The following GFM1 variants were observed in gnomAD, a reference collection of about 807,000 sequenced individuals.
GFM1 encodes G elongation factor mitochondrial 1, also known as elongation factor G, mitochondrial.
GFM1 carries 62 observed loss-of-function variants against 96.2 expected under a neutral mutation model. The ratio of observed to expected loss-of-function variants is 0.64; its 90% confidence interval spans 0.53 to 0.80. GFM1 has a LOEUF of 0.80. Ranked by LOEUF, GFM1 falls within the 30% of genes least tolerant of loss-of-function variation. The pLI is 0.00. For synonymous variants in GFM1, 282 were observed against 312.9 expected (o/e 0.90, Z 1.04); for missense variants, 852 against 916.6 (o/e 0.93, Z 0.91).
chr3:158,668,233 C>T (rs1723906384), intron 13 of GFM1, among the ~76,000 whole-genome samples: 1 of 152,192 alleles, frequency 6.6e-6, no homozygotes, highest in Admixed American at 6.5e-5. Context: ...ATAACCTATG[C>T]ATACCTTCTC....
intron 16 of GFM1, 40 bp from the exon 17 acceptor site, chr3:158,691,099 C>A (rs985675713): frequency 2.2e-6 from 3 of 1,361,180 alleles, no homozygotes; most frequent in Middle Eastern, 3.8e-4. Flanking sequence ...AAATATTTTC[C>A]AATAAGCAGT....
Position 158,653,569 on chromosome 3 carries a change from T to G in GFM1, c.998+102T>G, listed in dbSNP as rs1053209871. ...GTTCTTTTAATTATGTCTGTGATTTTTTTTCATAATTTACAATCATGGTTT... is the reference window on the plus strand; with the variant it reads ...GTTCTTTTAATTATGTCTGTGATTTGTTTTCATAATTTACAATCATGGTTT... On this transcript the variant is annotated intron_variant, in intron 7 of 17. Coordinates refer to ENST00000486715, the MANE Select transcript of GFM1 (RefSeq NM_024996.7). The G allele has an allele frequency of 3.4e-6, 3 of 880,388 alleles. No homozygotes were observed. The African/African-American group carries it at 5.1e-5, about 15-fold the overall frequency. The allele number at this position is 880,388 out of a possible 1,614,324, so 54.5% of individuals were successfully genotyped here. A position where few individuals can be genotyped will look rare whatever the true frequency, so the allele number is the denominator to read the frequency against.
In GFM1 at chr3:158,691,346, A is replaced by AAT; in HGVS notation, c.2137_2138dup (p.Met715GlnfsTer50). The AAT allele has an allele frequency of 6.2e-7, 1 of 1,613,948 alleles. No individual in the cohort carries two copies. Among genetic ancestry groups the AAT allele is most frequent in the South Asian group, 1.1e-5 (1 of 91,076 alleles). On this transcript the variant is annotated frameshift_variant, in exon 18 of 18. Coordinates refer to ENST00000486715, the MANE Select transcript of GFM1 (RefSeq NM_024996.7). LOFTEE classifies it high-confidence loss of function. ...TTTTTAAATCCCTAGGGAAAGGGAG[A>AAT]ATACACAATGGAGTATAGCAGGTAT...
chr3:158,650,117 T>G, intron 5 of GFM1: 1 of 1,396,136 alleles, frequency 7.2e-7, no homozygotes, highest in Admixed American at 2.0e-5. Flanking sequence ...ATCAGCCATC[T>G]TGTAAGCAGG....
chr3:158,666,202 A>G (rs545508070), intron 12 of GFM1, 102 bp from the exon 13 acceptor site: 6 of 783,674 alleles, frequency 7.7e-6, no homozygotes, highest in South Asian at 3.1e-5. Flanking sequence ...TTGTTTATCT[A>G]TTATATTTAA....
chr3:158,681,853 T>A, intron 13 of GFM1, 142 bp from the exon 14 acceptor site: 1 of 785,790 alleles, frequency 1.3e-6, no homozygotes, highest in Admixed American at 2.6e-5. Flanking sequence ...TAAAATAAAT[T>A]CTACAATAAA....
At chr3:158,679,053 C>T (rs1203811704) in intron 13 of GFM1, among the ~76,000 whole-genome samples, 2 of 152,214 alleles carry the variant, frequency 1.3e-5, no homozygotes, top group African/African-American at 4.8e-5. Context: ...CTGCAGCAGC[C>T]ATCACCTTGA....
chr3:158,646,388 C>A, intron 3 of GFM1, 91 bp downstream of exon 3: 1 of 1,315,122 alleles, frequency 7.6e-7, no homozygotes, highest in South Asian at 1.2e-5. Flanking sequence ...TTTTGATTGT[C>A]AAATACTCAA....
intron 13 of GFM1, among the ~76,000 whole-genome samples, chr3:158,678,053 C>T (rs1388451174): frequency 6.6e-6 from 1 of 152,172 alleles, no homozygotes; most frequent in Non-Finnish European, 1.5e-5. Context: ...AATGGAATAA[C>T]AAAGCCTGGA....
intron 13 of GFM1, among the ~76,000 whole-genome samples, chr3:158,672,155 G>C (rs1724384077): frequency 6.6e-6 from 1 of 152,160 alleles, no homozygotes; most frequent in Non-Finnish European, 1.5e-5. Flanking sequence ...GTCCCGGGCT[G>C]TCTCCAGAGA....
intron 13 of GFM1, among the ~76,000 whole-genome samples, chr3:158,681,519 C>A (rs192887689): frequency 1.7e-3 from 266 of 152,236 alleles, no homozygotes; most frequent in Admixed American, 3.8e-3. Context: ...ACTTGGAAAT[C>A]CCTTTTCTTG....
rs1726433355 is a variant in GFM1 at position 158,693,328 on chromosome 3, T to C, written c.*1861T>C. 6.6e-6 allele frequency: 1 copy of C among 152,238 alleles called. No homozygotes were observed. Among genetic ancestry groups the C allele is most frequent in the South Asian group, 2.1e-4 (1 of 4,834 alleles). 9.4% of individuals were successfully genotyped at this position (152,238 alleles called of 1,614,324 possible). A position where few individuals can be genotyped will look rare whatever the true frequency, so the allele number is the denominator to read the frequency against. On this transcript the variant is annotated 3_prime_UTR_variant, in exon 18 of 18. Coordinates refer to ENST00000486715, the MANE Select transcript of GFM1 (RefSeq NM_024996.7). ...TTCATGGAATTTAGCATGATTCCTA[T>C]GGCTATTGAGAATAGTCACAACTAC...
At position 158,644,532 on chromosome 3, in the gene GFM1, T is replaced by A; in HGVS notation, c.-103T>A. 1.1e-6 allele frequency: 1 copy of A among 906,908 alleles called. No individual in the cohort carries two copies. Among genetic ancestry groups the A allele is most frequent in the Non-Finnish European group, 1.8e-6 (1 of 568,360 alleles). The allele number at this position is 906,908 out of a possible 1,614,324, so 56.2% of individuals were successfully genotyped here. ...GCGTCCTTTGCCCCGGAAGTGCTCT[T>A]ACAACATTGGCTGCCGGCGTGACTT... On this transcript the variant is annotated 5_prime_UTR_variant, in exon 1 of 18. Transcript: ENST00000486715.
chr3:158,680,420 C>A (rs1294918373), intron 13 of GFM1, among the ~76,000 whole-genome samples: 1 of 152,188 alleles, frequency 6.6e-6, no homozygotes, highest in African/African-American at 2.4e-5. Flanking sequence ...AGCTGCCTGT[C>A]AAGCAGTCTT....
At chr3:158,645,992 A>C in intron 2 of GFM1, 173 bp from the exon 3 acceptor site, 4 of 887,370 alleles carry the variant, frequency 4.5e-6, no homozygotes, top group Non-Finnish European at 7.3e-6. Flanking sequence ...TTTGTTGCTC[A>C]GGCTGGTCTC....
At chr3:158,674,080 CTT>C (rs397877329) in intron 13 of GFM1, among the ~76,000 whole-genome samples, 81 of 132,946 alleles carry the variant, frequency 6.1e-4, no homozygotes, top group Middle Eastern at 3.9e-3. Flanking sequence ...CACACATGAC[CTT>C]TTTTTTTTTT....
intron 7 of GFM1, among the ~76,000 whole-genome samples, chr3:158,654,205 CTTT>C (rs551796824): frequency 6.2e-4 from 53 of 85,988 alleles, no homozygotes; most frequent in African/African-American, 2.2e-3. Flanking sequence ...CTCTAAAGAC[CTTT>C]TTTTTTTTTT....
At chr3:158,688,256 A>G (rs1250710065) in intron 15 of GFM1, among the ~76,000 whole-genome samples, 8 of 152,170 alleles carry the variant, frequency 5.3e-5, no homozygotes. Flanking sequence ...TAGGACTTGG[A>G]TGCAATGTGG....
chr3:158,673,921 A>C (rs1264198612), intron 13 of GFM1, among the ~76,000 whole-genome samples: 1 of 149,448 alleles, frequency 6.7e-6, no homozygotes, highest in Non-Finnish European at 1.5e-5. Context: ...TTTCATGCTT[A>C]TTATTGTCTC....
Sources: gnomAD v4.1 joint callset for allele counts (sites outside exome capture counted in the v4.1 genomes callset) on GRCh38, gnomAD v4.1.1 for gene constraint, MANE v1.5 for transcripts, NCBI Gene and HGNC (gene_info 2026-07-23, HGNC 2026-07-21) for gene names.